The following LMX1A variants were observed in gnomAD, a reference collection of about 807,000 sequenced individuals.
The protein encoded by LMX1A is LIM homeobox transcription factor 1 alpha, also known as LIM homeobox transcription factor 1-alpha.
Under a neutral mutation model 49.1 loss-of-function variants are expected in LMX1A, and 15 were observed. The observed-to-expected ratio is 0.31, with a 90% CI of 0.20 to 0.47. The LOEUF is 0.47. LMX1A is among the 20% of genes least tolerant of loss of function. LMX1A has a pLI of 1.00. For synonymous variants in LMX1A, 167 were observed against 185.7 expected (o/e 0.90, Z 0.82); for missense variants, 372 against 475.8 (o/e 0.78, Z 2.03).
chr1:165,237,623 G>A (rs1304053192), intron 4 of LMX1A, among the ~76,000 whole-genome samples: 3 of 152,136 alleles, frequency 2.0e-5, no homozygotes, highest in Non-Finnish European at 2.9e-5. Flanking sequence ...AGGTTCCAGC[G>A]TGCAAACCTG....
intron 3 of LMX1A, among the ~76,000 whole-genome samples, chr1:165,322,826 GA>G (rs1196862957): frequency 6.6e-6 from 1 of 151,962 alleles, no homozygotes; most frequent in Middle Eastern, 3.4e-3. Context: ...TCAATAAACA[GA>G]AAAAAAATTA....
At chr1:165,290,988 T>C (rs1425984486) in intron 3 of LMX1A, among the ~76,000 whole-genome samples, 1 of 152,242 alleles carries the variant, frequency 6.6e-6, no homozygotes, top group Non-Finnish European at 1.5e-5. Flanking sequence ...TGCTAAATTA[T>C]ATCCAGCTTT....
At chr1:165,221,443 G>A (rs558299427) in intron 4 of LMX1A, among the ~76,000 whole-genome samples, 19 of 152,110 alleles carry the variant, frequency 1.2e-4, no homozygotes, top group South Asian at 1.0e-3. Flanking sequence ...CCACCAGGGC[G>A]AATGCAAGGA....
chr1:165,257,828 T>C (rs1366987446), intron 3 of LMX1A, among the ~76,000 whole-genome samples: 2 of 151,936 alleles, frequency 1.3e-5, no homozygotes, highest in African/African-American at 2.4e-5. Context: ...CTCCACAACA[T>C]AGACAAAAAA....
intron 3 of LMX1A, among the ~76,000 whole-genome samples, chr1:165,347,411 A>G (rs1024291849): frequency 6.6e-6 from 1 of 152,210 alleles, no homozygotes; most frequent in Non-Finnish European, 1.5e-5. Flanking sequence ...GTCCTCCCAC[A>G]TAGGAGCCTT....
chr1:165,206,060 C>A, intron 7 of LMX1A, 26 bp from the exon 8 acceptor site: 1 of 1,510,388 alleles, frequency 6.6e-7, no homozygotes, highest in Non-Finnish European at 8.8e-7. Context: ...GAAGCCAGGT[C>A]ATTCTCAACG....
chr1:165,216,328 C>T (rs376857071), intron 4 of LMX1A, among the ~76,000 whole-genome samples: 2 of 152,166 alleles, frequency 1.3e-5, no homozygotes, highest in South Asian at 2.1e-4. Flanking sequence ...CCTGGATAGA[C>T]CCTATTGATC....
chr1:165,228,832 G>T (rs1652137315), intron 4 of LMX1A, among the ~76,000 whole-genome samples: 1 of 152,042 alleles, frequency 6.6e-6, no homozygotes, highest in Non-Finnish European at 1.5e-5. Flanking sequence ...AAAACCAGAG[G>T]CCAGAAATGA....
chr1:165,215,445 A>G (rs984041576), intron 4 of LMX1A, among the ~76,000 whole-genome samples: 5 of 152,188 alleles, frequency 3.3e-5, no homozygotes, highest in Non-Finnish European at 5.9e-5. Context: ...CTTTGCCTCA[A>G]TGGCTTTCCC....
intron 5 of LMX1A, 33 bp downstream of exon 5, chr1:165,213,608 C>A (rs746776040): frequency 1.3e-6 from 2 of 1,593,264 alleles, no homozygotes; most frequent in South Asian, 2.3e-5. Flanking sequence ...GAAGTGGGGC[C>A]CAGCTCCTTT....
At chr1:165,327,965 T>C (rs1202619103) in intron 3 of LMX1A, among the ~76,000 whole-genome samples, 1 of 152,228 alleles carries the variant, frequency 6.6e-6, no homozygotes, top group African/African-American at 2.4e-5. Context: ...GAAGGAACTT[T>C]AATGGAAAAA....
chr1:165,308,605 C>T (rs551152318), intron 3 of LMX1A, among the ~76,000 whole-genome samples: 19 of 152,274 alleles, frequency 1.2e-4, no homozygotes, highest in African/African-American at 4.1e-4. Context: ...GTCCTCACAA[C>T]GATTCTATAA....
In LMX1A at chr1:165,203,688, AACTAT is replaced by A. The variant is rs1367006277; in HGVS notation, c.*187_*191del. The A allele has an allele frequency of 8.2e-6, 4 of 490,110 alleles. No homozygotes were observed. The highest frequency in any genetic ancestry group is 1.5e-5 in the Non-Finnish European group (4 of 271,830). 30.4% of individuals were successfully genotyped at this position (490,110 alleles called of 1,614,324 possible). A position where few individuals can be genotyped will look rare whatever the true frequency, so the allele number is the denominator to read the frequency against. The stretch of plus-strand genomic sequence containing the variant: ...GCTAAGACTCTTATTAGAAACATTA[AACTAT>A]GCAATCCATAATGTATTCAGTCTTT... On this transcript the variant is annotated 3_prime_UTR_variant, in exon 9 of 9. Transcript: ENST00000342310.
At chr1:165,231,936 A>C (rs1262156531) in intron 4 of LMX1A, among the ~76,000 whole-genome samples, 1 of 152,234 alleles carries the variant, frequency 6.6e-6, no homozygotes, top group Non-Finnish European at 1.5e-5. Context: ...ATGCATTGAG[A>C]GCACACGGAC....
chr1:165,220,254 T>C (rs2102610988), intron 4 of LMX1A, among the ~76,000 whole-genome samples: 1 of 152,256 alleles, frequency 6.6e-6, no homozygotes, highest in South Asian at 2.1e-4. Context: ...AGTAGTTAAG[T>C]TCTTCAGGCA....
chr1:165,220,104 TC>T (rs747350550), intron 4 of LMX1A, among the ~76,000 whole-genome samples: 16 of 152,300 alleles, frequency 1.1e-4, no homozygotes, highest in Non-Finnish European at 2.1e-4. Context: ...ATATGAATGT[TC>T]CTGGCATTCC....
chr1:165,343,690 T>C (rs1656150680), intron 3 of LMX1A, among the ~76,000 whole-genome samples: 1 of 151,892 alleles, frequency 6.6e-6, no homozygotes, highest in Non-Finnish European at 1.5e-5. Context: ...AAATGGAAGA[T>C]CCCAACCAAA....
At chr1:165,207,329 T>G (rs1428334841) in intron 7 of LMX1A, among the ~76,000 whole-genome samples, 2 of 152,134 alleles carry the variant, frequency 1.3e-5, no homozygotes, top group Non-Finnish European at 2.9e-5. Flanking sequence ...TTCCTTTAAC[T>G]TCCATGAAGT....
chr1:165,252,750 T>C (rs891325256), intron 3 of LMX1A, among the ~76,000 whole-genome samples: 1 of 152,200 alleles, frequency 6.6e-6, no homozygotes, highest in African/African-American at 2.4e-5. Flanking sequence ...AAGCTAGATA[T>C]GAGCTGACTC....
Sources: gnomAD v4.1 joint callset for allele counts (sites outside exome capture counted in the v4.1 genomes callset) on GRCh38, gnomAD v4.1.1 for gene constraint, MANE v1.5 for transcripts, NCBI Gene and HGNC (gene_info 2026-07-23, HGNC 2026-07-21) for gene names.